The following ZKSCAN1 variants were observed in gnomAD, a reference collection of about 807,000 sequenced individuals.
ZKSCAN1 encodes the protein zinc finger protein with KRAB and SCAN domains 1.
A neutral mutation model predicts 51.6 loss-of-function variants in ZKSCAN1; 14 were observed. That is an observed-to-expected ratio of 0.27 (90% CI 0.18 to 0.42). ZKSCAN1 has a LOEUF of 0.42. Among genes scored for constraint, ZKSCAN1 ranks in the 10% least tolerant of loss-of-function variants. The pLI is 1.00. For synonymous variants in ZKSCAN1, 263 were observed against 261.5 expected, an observed-to-expected ratio of 1.01 and a Z score of -0.06; for missense variants, 531 against 710.0, an observed-to-expected ratio of 0.75 and a Z score of 2.86.
Position 100,040,152 on chromosome 7 carries a change from A to C in ZKSCAN1, c.*5955A>C, listed in dbSNP as rs1283484968. Reference sequence around the variant, plus strand: ...TCTCCAACTCTGCAGGTCAAACGAAAGTTTGGGAAATACTTTTGACATCCC... The same window carrying C: ...TCTCCAACTCTGCAGGTCAAACGAACGTTTGGGAAATACTTTTGACATCCC... On this transcript the variant is annotated 3_prime_UTR_variant, in exon 6 of 6. Coordinates refer to ENST00000324306, the MANE Select transcript of ZKSCAN1 (RefSeq NM_003439.4). 1 of 985,140 alleles carries C rather than the reference A, an allele frequency of 1.0e-6. No homozygotes were observed. The highest frequency in any genetic ancestry group is 6.2e-5 in the Admixed American group (1 of 16,260). 61.0% of individuals were successfully genotyped at this position (985,140 alleles called of 1,614,324 possible). A position where few individuals can be genotyped will look rare whatever the true frequency, so the allele number is the denominator to read the frequency against.
At position 100,041,318 on chromosome 7, in the gene ZKSCAN1, C is replaced by T. The variant is rs1224136379; in HGVS notation, c.*7121C>T. 1.3e-5 allele frequency: 13 copies of T among 984,598 alleles called. No individual in the cohort carries two copies. In the Admixed American group the frequency reaches 2.5e-4, roughly 19 times the overall value. The allele number at this position is 984,598 out of a possible 1,614,324, so 61.0% of individuals were successfully genotyped here. ...CCAGATGCTTGGTAGATGTTCAATA[C>T]GTGATTTTTTTTTTAATTGAATGTG... On this transcript the variant is annotated 3_prime_UTR_variant, in exon 6 of 6. Coordinates refer to ENST00000324306, the MANE Select transcript of ZKSCAN1 (RefSeq NM_003439.4).
rs1791416466 is a variant in ZKSCAN1 at position 100,037,548 on chromosome 7, G to A, written c.*3351G>A. On this transcript the variant is annotated 3_prime_UTR_variant, in exon 6 of 6. Transcript: ENST00000324306. ...GGAGCCTCCTGAATGTGATGAATACGGCAAAGCCTTTAATCACATCTCAGC... is the reference window on the plus strand; with the variant it reads ...GGAGCCTCCTGAATGTGATGAATACAGCAAAGCCTTTAATCACATCTCAGC... The A allele has an allele frequency of 3.0e-6, 3 of 985,440 alleles. No homozygotes were observed. Among genetic ancestry groups the A allele is most frequent in the African/African-American group, 1.7e-5 (1 of 57,360 alleles). 61.0% of individuals were successfully genotyped at this position (985,440 alleles called of 1,614,324 possible). A position where few individuals can be genotyped will look rare whatever the true frequency, so the allele number is the denominator to read the frequency against.
intron 3 of ZKSCAN1, among the ~76,000 whole-genome samples, chr7:100,028,093 G>A (rs1428389655): frequency 2.6e-5 from 4 of 151,992 alleles, no homozygotes; most frequent in African/African-American, 7.2e-5. Flanking sequence ...AGTGACTCAC[G>A]CCTGTAATCC....
intron 1 of ZKSCAN1, 47 bp downstream of exon 1, chr7:100,015,773 G>A (rs911244338): frequency 6.6e-6 from 1 of 152,340 alleles, no homozygotes; most frequent in African/African-American, 2.4e-5. Flanking sequence ...GGGCCGCAAG[G>A]GTGTGTGCGC....
downstream of ZKSCAN1, among the ~76,000 whole-genome samples, chr7:100,042,038 G>A (rs1444711291): frequency 1.3e-5 from 2 of 152,162 alleles, no homozygotes; most frequent in African/African-American, 2.4e-5. Flanking sequence ...GATAGACATG[G>A]CCAGCCATGG....
At position 100,023,948 on chromosome 7, in the gene ZKSCAN1, A is replaced by G. The variant is rs781139473; in HGVS notation, c.426+16A>G. 77 of 1,560,148 alleles carry G rather than the reference A, an allele frequency of 4.9e-5. No homozygotes were observed. Among genetic ancestry groups the G allele is most frequent in the Non-Finnish European group, 5.9e-5 (69 of 1,160,114 alleles). On this transcript the variant is annotated intron_variant, in intron 2 of 5. Transcript: ENST00000324306. ...AGGACAACAGGTAAAAAGAGGTGAAACCTATTATGTGTGAGCAGGGCACAG... is the reference window on the plus strand; with the variant it reads ...AGGACAACAGGTAAAAAGAGGTGAAGCCTATTATGTGTGAGCAGGGCACAG...
At position 100,023,862 on chromosome 7, in the gene ZKSCAN1, A is replaced by T; in HGVS notation, c.356A>T (p.Tyr119Phe). ...GAGCTCCAGGTCTGGCTGCAGGAAT[A>T]CCGCCCCGATAGTGGAGAGGAGGCC... ...PKELQVWLQE[Y>F]RPDSGEEAVT... Residue 119 changes from tyrosine to phenylalanine, a missense_variant, in exon 2 of 6, where the codon TAC (tyrosine) becomes TTC (phenylalanine). By Grantham distance (22) the Tyr-to-Phe change is conservative. Transcript: ENST00000324306. 1 of 1,613,724 alleles carries T rather than the reference A, an allele frequency of 6.2e-7. No individual in the cohort carries two copies. Among genetic ancestry groups the T allele is most frequent in the Non-Finnish European group, 8.5e-7 (1 of 1,180,020 alleles).
Position 100,023,801 on chromosome 7 carries a change from C to G in ZKSCAN1, c.295C>G (p.Leu99Val). The change falls in exon 2 of 6, where the codon CTG becomes GTG. Residue 99 changes from leucine to valine, a missense_variant. Leu to Val is a conservative substitution (Grantham distance 32, BLOSUM62 1). Coordinates refer to ENST00000324306, the MANE Select transcript of ZKSCAN1 (RefSeq NM_003439.4). ...CACCAAGGAACAGATCCTGGAGCTT[C>G]TGGTGCTAGAGCAGTTTCTTTCCAT... Reference protein sequence around the residue: ...INTKEQILELLVLEQFLSILP... With the variant: ...INTKEQILELVVLEQFLSILP... 1 of 1,614,198 alleles carries G rather than the reference C, an allele frequency of 6.2e-7. No homozygotes were observed. The highest frequency in any genetic ancestry group is 8.5e-7 in the Non-Finnish European group (1 of 1,180,040).
chr7:100,033,809 G>A lies in ZKSCAN1; in HGVS notation c.1304G>A (p.Cys435Tyr). ...RIHTGEKPHE[C>Y]NECGKAFSHS... ...CACACAGGAGAGAAACCTCATGAAT[G>A]TAACGAGTGTGGCAAGGCCTTCAGC... The change falls in exon 6 of 6, where the codon TGT becomes TAT. Residue 435 changes from cysteine (C) to tyrosine (Y), a missense_variant. Coordinates refer to ENST00000324306, the MANE Select transcript of ZKSCAN1 (RefSeq NM_003439.4). The surrounding 1 kb of genome is among the most constrained non-coding windows in gnomAD (Gnocchi z 4.1). 6.2e-7 allele frequency: 1 copy of A among 1,614,226 alleles called. No individual in the cohort carries two copies. Among genetic ancestry groups the A allele is most frequent in the Non-Finnish European group, 8.5e-7 (1 of 1,180,046 alleles).
chr7:100,018,804 T>A (rs1790481137), intron 1 of ZKSCAN1, among the ~76,000 whole-genome samples: 2 of 152,184 alleles, frequency 1.3e-5, no homozygotes, highest in South Asian at 4.1e-4. Context: ...TTTCCACTGC[T>A]GTGATGGCTT....
chr7:100,019,160 G>A (rs1044445661), intron 1 of ZKSCAN1: 1 of 152,156 alleles, frequency 6.6e-6, no homozygotes, highest in African/African-American at 2.4e-5. Context: ...CAGTCACATA[G>A]TGACCCTCCA....
intron 3 of ZKSCAN1, chr7:100,024,897 T>TAAAA (rs3835018): frequency 9.6e-6 from 1 of 103,724 alleles, no homozygotes; most frequent in Non-Finnish European, 1.9e-5. Flanking sequence ...GAGACTGTCT[T>TAAAA]AAAAAAAAAA....
At chr7:100,042,332 A>G (rs1262674903), downstream of ZKSCAN1, among the ~76,000 whole-genome samples, 3 of 147,444 alleles carry the variant, frequency 2.0e-5, no homozygotes, top group Non-Finnish European at 4.5e-5. Context: ...AAAAAAAAAA[A>G]AAAAAAGGTG....
chr7:100,043,969 G>T (rs986898209), downstream of ZKSCAN1, among the ~76,000 whole-genome samples: 4 of 151,516 alleles, frequency 2.6e-5, no homozygotes, highest in Non-Finnish European at 5.9e-5. Flanking sequence ...TAGAGACGGG[G>T]TTTCGCCATG....
rs1321186228 is a variant in ZKSCAN1, at chr7:100,023,839, G to A, written c.333G>A (p.Glu111=). 2 of 1,614,010 alleles carry A rather than the reference G, an allele frequency of 1.2e-6. No homozygotes were observed. Among genetic ancestry groups the A allele is most frequent in the Non-Finnish European group, 1.7e-6 (2 of 1,180,044 alleles). The change falls in exon 2 of 6, where the codon GAG becomes GAA. Residue 111 remains glutamate, a synonymous_variant. Coordinates refer to ENST00000324306, the MANE Select transcript of ZKSCAN1 (RefSeq NM_003439.4). ...AGTTTCTTTCCATCCTGCCCAAGGAGCTCCAGGTCTGGCTGCAGGAATACC... is the reference window on the plus strand; with the variant it reads ...AGTTTCTTTCCATCCTGCCCAAGGAACTCCAGGTCTGGCTGCAGGAATACC... ...LEQFLSILPK[E]LQVWLQEYRP...
downstream of ZKSCAN1, among the ~76,000 whole-genome samples, chr7:100,044,282 C>A (rs1384323619): frequency 6.6e-6 from 1 of 152,134 alleles, no homozygotes; most frequent in Admixed American, 6.5e-5. Flanking sequence ...GAGCTGAGCC[C>A]AATCTCTCTC....
At position 100,038,644 on chromosome 7, in the gene ZKSCAN1, G is replaced by A. The variant is rs1791463669; in HGVS notation, c.*4447G>A. 3.0e-6 allele frequency: 3 copies of A among 985,322 alleles called. No individual in the cohort carries two copies. Among genetic ancestry groups the A allele is most frequent in the Middle Eastern group, 5.2e-4 (1 of 1,936 alleles). The allele number at this position is 985,322 out of a possible 1,614,324, so 61.0% of individuals were successfully genotyped here. On this transcript the variant is annotated 3_prime_UTR_variant, in exon 6 of 6. Transcript: ENST00000324306. Reference sequence around the variant, plus strand: ...CAAGTGGGACTGCTTCAGCTGACCAGGTTCTTTTAAACCGTAGTCATGCTT... The same window carrying A: ...CAAGTGGGACTGCTTCAGCTGACCAAGTTCTTTTAAACCGTAGTCATGCTT...
At chr7:100,042,338 A>AG (rs372271851), downstream of ZKSCAN1, among the ~76,000 whole-genome samples, 31,910 of 138,874 alleles carry the variant, frequency 0.23, 4,675 homozygotes, top group Middle Eastern at 0.42. Context: ...AAAAAAAAAA[A>AG]GGTGAACTGG....
At chr7:100,029,478 A>G (rs1279438229) in intron 3 of ZKSCAN1, among the ~76,000 whole-genome samples, 4 of 152,188 alleles carry the variant, frequency 2.6e-5, no homozygotes. Flanking sequence ...GGAGGAAATT[A>G]GGAGCCAGAC....
Sources: gnomAD v4.1 joint callset for allele counts (sites outside exome capture counted in the v4.1 genomes callset) on GRCh38, gnomAD v4.1.1 for gene constraint, Gnocchi (gnomAD v3.1) non-coding constraint, MANE v1.5 for transcripts, NCBI Gene and HGNC (gene_info 2026-07-23, HGNC 2026-07-21) for gene names.